RANBP17: variants seen among roughly 807,000 people sequenced by gnomAD.
RANBP17 encodes RAN binding protein 17, also known as ran-binding protein 17.
Under a neutral mutation model 141.2 loss-of-function variants are expected in RANBP17, and 158 were observed. The observed-to-expected ratio is 1.12, with a 90% confidence interval of 0.98 to 1.28. The LOEUF is 1.28. RANBP17 is among the 50% of genes most tolerant of loss of function. The pLI is 0.00. For synonymous variants in RANBP17, 430 were observed against 450.0 expected (o/e 0.96, Z 0.56); for missense variants, 1,438 against 1,290.7 (o/e 1.11, Z -1.75).
At chr5:171,200,713 CTAACAG>C (rs1561757838) in intron 19 of RANBP17, among the ~76,000 whole-genome samples, 2 of 152,022 alleles carry the variant, frequency 1.3e-5, no homozygotes, top group African/African-American at 4.8e-5. Context: ...AACAAAAAAA[CTAACAG>C]TAAGAAGCCA....
At chr5:171,087,425 A>G (rs1162654275) in intron 14 of RANBP17, among the ~76,000 whole-genome samples, 2 of 152,176 alleles carry the variant, frequency 1.3e-5, no homozygotes, top group African/African-American at 2.4e-5. Flanking sequence ...TGGTGCTGAA[A>G]AAAATGTATA....
chr5:171,285,872 T>C (rs538351343), intron 25 of RANBP17, among the ~76,000 whole-genome samples: 33 of 152,366 alleles, frequency 2.2e-4, no homozygotes, highest in African/African-American at 6.7e-4. Context: ...ACATTCAGAA[T>C]AGACACATTA....
chr5:170,910,807 T>C (rs999261507), intron 6 of RANBP17, 162 bp from the exon 7 acceptor site: 1 of 633,410 alleles, frequency 1.6e-6, no homozygotes, highest in Non-Finnish European at 2.6e-6. Flanking sequence ...TAACCCAGTT[T>C]TTCTTGAAGA....
chr5:170,887,187 C>T (rs539881788), intron 3 of RANBP17, among the ~76,000 whole-genome samples: 3 of 152,106 alleles, frequency 2.0e-5, no homozygotes, highest in Non-Finnish European at 2.9e-5. Context: ...GTTTGGAAAG[C>T]GGTTCCTTTG....
chr5:171,192,445 T>C (rs1391591925), intron 18 of RANBP17, among the ~76,000 whole-genome samples: 2 of 152,138 alleles, frequency 1.3e-5, no homozygotes, highest in East Asian at 3.9e-4. Flanking sequence ...GTGGGATTCT[T>C]TGAAAATGGG....
At chr5:171,128,388 A>C (rs1463087233) in intron 14 of RANBP17, among the ~76,000 whole-genome samples, 1 of 152,182 alleles carries the variant, frequency 6.6e-6, no homozygotes, top group Admixed American at 6.5e-5. Context: ...GGAGGTCATT[A>C]TATTAAGTCA....
Position 171,150,431 on chromosome 5 carries a change from AAAAG to A in RANBP17, c.1711-19691_1711-19688del, listed in dbSNP as rs947663486. ...AATTTATATGTCCCCTCTCATTAAA[AAAAG>A]AAAGAAAAAAGCATTACACAATTTG... On this transcript the variant is annotated intron_variant, in intron 14 of 27. Transcript: ENST00000523189. 6.6e-5 allele frequency among the ~76,000 whole-genome samples: 10 copies of A among 151,520 alleles called. No individual in the cohort carries two copies. In the South Asian group the frequency reaches 8.3e-4, roughly 13 times the overall value.
intron 16 of RANBP17, among the ~76,000 whole-genome samples, chr5:171,175,749 T>G (rs1760426104): frequency 6.6e-6 from 1 of 151,838 alleles, no homozygotes; most frequent in South Asian, 2.1e-4. Flanking sequence ...TCTAGCTTTT[T>G]AAAATCAGAC....
chr5:170,882,116 G>T (rs1257938516), intron 3 of RANBP17, among the ~76,000 whole-genome samples: 3 of 152,146 alleles, frequency 2.0e-5, no homozygotes, highest in Middle Eastern at 6.8e-3. Flanking sequence ...ACAGAGTCTT[G>T]CTCTGTCACC....
At chr5:171,209,293 T>C (rs897104572) in intron 20 of RANBP17, among the ~76,000 whole-genome samples, 3 of 152,306 alleles carry the variant, frequency 2.0e-5, no homozygotes, top group African/African-American at 7.2e-5. Flanking sequence ...TGGTTGGAAA[T>C]GTAGTTTGTT....
rs934348070 is a variant in RANBP17 at position 171,234,722 on chromosome 5, A to G, written c.2423-6206A>G. 2.0e-5 allele frequency among the ~76,000 whole-genome samples: 3 copies of G among 152,178 alleles called. 1 individual carries two copies. Among genetic ancestry groups the G allele is most frequent in the Non-Finnish European group, 4.4e-5 (3 of 68,036 alleles). On this transcript the variant is annotated intron_variant, in intron 22 of 27. Coordinates refer to ENST00000523189, the MANE Select transcript of RANBP17 (RefSeq NM_022897.5). ...AACTAGAAAGAAGTAGTTGCCATCAACTGAGATGGAGAAGGCTAAGATGGG... is the reference window on the plus strand; with the variant it reads ...AACTAGAAAGAAGTAGTTGCCATCAGCTGAGATGGAGAAGGCTAAGATGGG...
At chr5:171,125,076 C>T (rs1366672026) in intron 14 of RANBP17, among the ~76,000 whole-genome samples, 2 of 152,078 alleles carry the variant, frequency 1.3e-5, no homozygotes, top group Non-Finnish European at 2.9e-5. Context: ...GGGCAGATCA[C>T]CTGAGGTCAG....
intron 14 of RANBP17, among the ~76,000 whole-genome samples, chr5:171,095,931 TA>T (rs915176523): frequency 1.3e-5 from 2 of 151,998 alleles, no homozygotes; most frequent in African/African-American, 4.8e-5. Flanking sequence ...TAAAGGAAGG[TA>T]GGGGAAAAAT....
intron 24 of RANBP17, 114 bp downstream of exon 24, chr5:171,242,934 A>G: frequency 1.1e-6 from 1 of 928,500 alleles, no homozygotes; most frequent in Non-Finnish European, 1.7e-6. Flanking sequence ...TGTGAACCCA[A>G]ACTGAAAGAT....
chr5:170,885,289 T>A (rs376889565), intron 3 of RANBP17, among the ~76,000 whole-genome samples: 1 of 152,208 alleles, frequency 6.6e-6, no homozygotes, highest in African/African-American at 2.4e-5. Flanking sequence ...CTGACTAATC[T>A]TTGAGATTGG....
At chr5:171,251,711 C>G (rs577810728) in intron 24 of RANBP17, among the ~76,000 whole-genome samples, 1 of 152,162 alleles carries the variant, frequency 6.6e-6, no homozygotes, top group African/African-American at 2.4e-5. Context: ...CGTGGCGGCT[C>G]GGGGTCCACC....
At chr5:171,195,728 G>C (rs1056032545) in intron 18 of RANBP17, among the ~76,000 whole-genome samples, 1 of 152,180 alleles carries the variant, frequency 6.6e-6, no homozygotes, top group Non-Finnish European at 1.5e-5. Context: ...AAGCAGACCT[G>C]ATTGGGAATC....
chr5:171,183,000 AGATT>A (rs1561739723), intron 16 of RANBP17, among the ~76,000 whole-genome samples, 163 bp from the exon 17 acceptor site: 1 of 152,206 alleles, frequency 6.6e-6, no homozygotes. Context: ...GGTTAATAAT[AGATT>A]ATCATTCTTA....
At chr5:171,045,679 A>T (rs950422508) in intron 14 of RANBP17, among the ~76,000 whole-genome samples, 1 of 152,206 alleles carries the variant, frequency 6.6e-6, no homozygotes, top group Non-Finnish European at 1.5e-5. Flanking sequence ...ATGCAATGTA[A>T]ATCATTCTTC....
Sources: allele counts gnomAD v4.1 joint callset (sites outside exome capture counted in the v4.1 genomes callset), GRCh38; gene constraint gnomAD v4.1.1; transcripts MANE v1.5; gene names NCBI Gene and HGNC (gene_info 2026-07-23, HGNC 2026-07-21).